SPHKAP: variants seen among roughly 807,000 people sequenced by gnomAD.
The protein encoded by SPHKAP is A-kinase anchor protein SPHKAP.
SPHKAP carries 67 observed loss-of-function variants against 137.5 expected under a neutral mutation model. The ratio of observed to expected loss-of-function variants is 0.49; its 90% CI spans 0.40 to 0.60. The LOEUF is 0.60. SPHKAP is among the 20% of genes least tolerant of loss of function. The pLI is 0.00. For synonymous variants in SPHKAP, 813 were observed against 785.3 expected, an observed-to-expected ratio of 1.04 and a Z score of -0.59; for missense variants, 2,097 against 2,069.3, an observed-to-expected ratio of 1.01 and a Z score of -0.26.
intron 3 of SPHKAP, among the ~76,000 whole-genome samples, chr2:228,085,612 G>A (rs374966202): frequency 7.9e-5 from 12 of 152,218 alleles, no homozygotes; most frequent in African/African-American, 2.9e-4. Context: ...CATATTAAGG[G>A]CAACATTTTA....
At chr2:228,026,668 A>C (rs1293530342) in intron 4 of SPHKAP, among the ~76,000 whole-genome samples, 1 of 152,164 alleles carries the variant, frequency 6.6e-6, no homozygotes, top group Admixed American at 6.5e-5. Context: ...ATACAATTGT[A>C]TGTGTAATTT....
intron 3 of SPHKAP, among the ~76,000 whole-genome samples, chr2:228,070,367 G>C (rs1169703422): frequency 2.6e-5 from 4 of 152,194 alleles, no homozygotes; most frequent in Non-Finnish European, 1.5e-5. Context: ...GGAGGCGGAA[G>C]GGGAGGCAGG....
chr2:228,014,570 G>A (rs1464458639), intron 7 of SPHKAP, among the ~76,000 whole-genome samples: 1 of 152,070 alleles, frequency 6.6e-6, no homozygotes, highest in Non-Finnish European at 1.5e-5. Flanking sequence ...CATCCAATTG[G>A]AAAGTTAAGT....
At position 227,980,026 on chromosome 2, in the gene SPHKAP, A is replaced by C. The variant is rs949558153; in HGVS notation, c.*1691T>G. The C allele has an allele frequency of 6.6e-6, 1 of 152,668 alleles. No individual in the cohort carries two copies. The allele number at this position is 152,668 out of a possible 1,614,324, so 9.5% of individuals were successfully genotyped here. On this transcript the variant is annotated 3_prime_UTR_variant, in exon 12 of 12. Coordinates refer to ENST00000392056, the MANE Select transcript of SPHKAP (RefSeq NM_001142644.2). ...ATAGATAACTTCATCACATGGTTAC[A>C]ATCCAGTATTTGAGCTTTGTAAGAT...
intron 2 of SPHKAP, among the ~76,000 whole-genome samples, chr2:228,110,706 A>G (rs1698491799): frequency 6.6e-6 from 1 of 152,220 alleles, no homozygotes; most frequent in South Asian, 2.1e-4. Context: ...TGACAGCACA[A>G]CAGACTGAAT....
intron 3 of SPHKAP, among the ~76,000 whole-genome samples, chr2:228,045,774 G>T (rs988137224): frequency 6.6e-6 from 1 of 151,494 alleles, no homozygotes; most frequent in African/African-American, 2.4e-5. Flanking sequence ...AAAAAAAATA[G>T]AATCTGGAGG....
chr2:228,086,165 A>C (rs1574836215), intron 3 of SPHKAP, among the ~76,000 whole-genome samples: 1 of 152,312 alleles, frequency 6.6e-6, no homozygotes, highest in Middle Eastern at 3.4e-3. Flanking sequence ...CAACAAAAAA[A>C]AATTGGCAAA....
At chr2:228,179,629 T>G (rs568607669) in intron 1 of SPHKAP, among the ~76,000 whole-genome samples, 2 of 152,154 alleles carry the variant, frequency 1.3e-5, no homozygotes, top group Non-Finnish European at 2.9e-5. Context: ...TGGAAATTGG[T>G]GAATAAAAAG....
intron 3 of SPHKAP, among the ~76,000 whole-genome samples, chr2:228,039,493 T>C (rs1298028058): frequency 6.6e-6 from 1 of 152,210 alleles, no homozygotes; most frequent in Non-Finnish European, 1.5e-5. Flanking sequence ...ATTACTCTTA[T>C]TTATGACTCT....
At chr2:228,111,063 G>T (rs530073146) in intron 2 of SPHKAP, among the ~76,000 whole-genome samples, 2 of 152,162 alleles carry the variant, frequency 1.3e-5, no homozygotes, top group South Asian at 2.1e-4. Context: ...GAGTGCAAAA[G>T]AATTTTGAGT....
At chr2:228,164,046 T>G (rs1412241545) in intron 1 of SPHKAP, among the ~76,000 whole-genome samples, 2 of 152,122 alleles carry the variant, frequency 1.3e-5, no homozygotes, top group African/African-American at 2.4e-5. Context: ...GTGGGCACCA[T>G]CCAATTGGCT....
chr2:228,019,085 G>C lies in SPHKAP; in HGVS notation c.1769C>G (p.Pro590Arg). 6.2e-7 allele frequency: 1 copy of C among 1,613,944 alleles called. No homozygotes were observed. Among genetic ancestry groups the C allele is most frequent in the Non-Finnish European group, 8.5e-7 (1 of 1,180,000 alleles). Residue 590 changes from proline (P) to arginine (R), a missense_variant, in exon 7 of 12, where the codon CCG (proline) becomes CGG (arginine). By Grantham distance (103) the Pro-to-Arg change is moderately radical. Transcript: ENST00000392056. ...TCSVAPSGSL[P>R]PAAEASEAMP... ...GGCTTCAGAAGCCTCAGCTGCAGGC[G>C]GGAGGCTACCACTTGGAGCCACTGA...
intron 11 of SPHKAP, among the ~76,000 whole-genome samples, chr2:227,989,687 C>A (rs1258125294): frequency 6.6e-6 from 1 of 152,096 alleles, no homozygotes; most frequent in African/African-American, 2.4e-5. Context: ...CTCACTGCAA[C>A]CTCCACTTCC....
At chr2:228,029,641 T>G (rs1178323508) in intron 3 of SPHKAP, among the ~76,000 whole-genome samples, 1 of 152,230 alleles carries the variant, frequency 6.6e-6, no homozygotes, top group Admixed American at 6.5e-5. Flanking sequence ...TGAGTCCCTT[T>G]GCAGACAGTG....
chr2:228,048,531 A>G (rs576728409), intron 3 of SPHKAP, among the ~76,000 whole-genome samples: 11 of 152,260 alleles, frequency 7.2e-5, no homozygotes, highest in Admixed American at 3.9e-4. Context: ...TGACATTTCT[A>G]TCAATGACAG....
chr2:228,073,375 C>T (rs1276053061), intron 3 of SPHKAP, among the ~76,000 whole-genome samples: 1 of 152,166 alleles, frequency 6.6e-6, no homozygotes, highest in Non-Finnish European at 1.5e-5. Flanking sequence ...CACTGCCTAC[C>T]TGAAAATACA....
chr2:228,140,813 G>A (rs1434928026), intron 1 of SPHKAP, among the ~76,000 whole-genome samples: 2 of 152,022 alleles, frequency 1.3e-5, no homozygotes, highest in South Asian at 2.1e-4. Flanking sequence ...CCCCCCTCTC[G>A]CTCTCTTCTG....
chr2:228,161,729 A>G (rs542191243), intron 1 of SPHKAP, among the ~76,000 whole-genome samples: 1 of 152,166 alleles, frequency 6.6e-6, no homozygotes, highest in African/African-American at 2.4e-5. Context: ...AAATAAAATA[A>G]AATAAAATAC....
intron 1 of SPHKAP, among the ~76,000 whole-genome samples, chr2:228,166,656 G>A (rs528385973): frequency 3.7e-4 from 57 of 152,222 alleles, no homozygotes; most frequent in African/African-American, 1.4e-3. Flanking sequence ...TGACACAATA[G>A]AAATACTGAG....
Sources: allele counts gnomAD v4.1 joint callset (sites outside exome capture counted in the v4.1 genomes callset), GRCh38; gene constraint gnomAD v4.1.1; transcripts MANE v1.5; gene names NCBI Gene and HGNC (gene_info 2026-07-23, HGNC 2026-07-21).